UGT1A10: variants seen among roughly 807,000 people sequenced by gnomAD.
UGT1A10 encodes UDP-glucuronosyltransferase 1A10.
UGT1A10 carries 49 observed loss-of-function variants against 45.8 expected under a neutral mutation model. The observed-to-expected ratio is 1.07, with a 90% confidence interval of 0.85 to 1.36. The LOEUF is 1.36. Ranked by LOEUF, UGT1A10 falls within the 40% of genes most tolerant of loss-of-function variation. The pLI, the probability that UGT1A10 is intolerant of heterozygous loss-of-function variation, is 0.00. For missense variants in UGT1A10, 745 were observed against 668.6 expected (o/e 1.11, Z -1.26); for synonymous variants, 284 against 249.7 (o/e 1.14, Z -1.29).
Position 233,769,804 on chromosome 2 carries a change from G to A in UGT1A10, c.1295+1365G>A, listed in dbSNP as rs1028893693. On this transcript the variant is annotated intron_variant, in intron 4 of 4. Transcript: ENST00000344644. The surrounding 1 kb of genome is among the most constrained non-coding windows in gnomAD (Gnocchi z 4.4). ...CAGAAGTTGGAGGCTGCTATGAGCCGTGATCATGCCACTGCACTCCAGCAA... is the reference window on the plus strand; with the variant it reads ...CAGAAGTTGGAGGCTGCTATGAGCCATGATCATGCCACTGCACTCCAGCAA... 2.8e-5 allele frequency: 31 copies of A among 1,110,686 alleles called. No individual in the cohort carries two copies. The highest frequency in any genetic ancestry group is 1.3e-4 in the African/African-American group (8 of 62,658). The allele number at this position is 1,110,686 out of a possible 1,614,324, so 68.8% of individuals were successfully genotyped here.
intron 1 of UGT1A10, among the ~76,000 whole-genome samples, chr2:233,649,198 A>G (rs1025091689): frequency 6.6e-6 from 1 of 152,176 alleles, no homozygotes; most frequent in African/African-American, 2.4e-5. Flanking sequence ...CTTTTATATA[A>G]TGGCCTCGTT....
At chr2:233,738,846 A>G (rs1431495514) in intron 1 of UGT1A10, 1 of 152,252 alleles carries the variant, frequency 6.6e-6, no homozygotes, top group Admixed American at 6.5e-5. Context: ...AATGTTAATC[A>G]CCAAGACAAT....
At chr2:233,704,341 G>A (rs188654230) in intron 1 of UGT1A10, among the ~76,000 whole-genome samples, 1 of 137,544 alleles carries the variant, frequency 7.3e-6, no homozygotes, top group East Asian at 2.1e-4. Flanking sequence ...TATTTAAAAA[G>A]TTGTGTTCTG....
Position 233,772,251 on chromosome 2 carries a change from T to C in UGT1A10, c.1296-11T>C, listed in dbSNP as rs1700493926. On this transcript the variant is annotated splice_polypyrimidine_tract_variant and intron_variant, in intron 4 of 4. Coordinates refer to ENST00000344644, the MANE Select transcript of UGT1A10 (RefSeq NM_019075.4). ...GTGTTCCAGGCATAACGAAACTGTCTTTGTGTTTAGTTACAAGGAGAACAT... is the reference window on the plus strand; with the variant it reads ...GTGTTCCAGGCATAACGAAACTGTCCTTGTGTTTAGTTACAAGGAGAACAT... The C allele has an allele frequency of 2.5e-6, 4 of 1,614,250 alleles. No homozygotes were observed. The East Asian group carries it at 8.9e-5, about 36-fold the overall frequency.
chr2:233,699,298 T>C (rs2075497372), intron 1 of UGT1A10, among the ~76,000 whole-genome samples: 1 of 152,206 alleles, frequency 6.6e-6, no homozygotes, highest in Admixed American at 6.5e-5. Flanking sequence ...GGGACACTCT[T>C]ATGCTGTCCT....
At position 233,667,387 on chromosome 2, in the gene UGT1A10, TGGATTAA is replaced by T. The variant is rs2074100922; in HGVS notation, c.855+30011_855+30017del. 2.5e-4 allele frequency among the ~76,000 whole-genome samples: 38 copies of T among 152,306 alleles called. No individual in the cohort carries two copies. The South Asian group carries it at 7.7e-3, about 31-fold the overall frequency. On this transcript the variant is annotated intron_variant, in intron 1 of 4. Coordinates refer to ENST00000344644, the MANE Select transcript of UGT1A10 (RefSeq NM_019075.4). ...ACCTTATACAAAAATTAATTCAAGA[TGGATTAA>T]AGACTTAAATGTTAGACCTTAAACC... is the stretch of plus-strand genomic sequence containing the variant.
chr2:233,672,481 T>G (rs145038612), intron 1 of UGT1A10: 789 of 1,613,882 alleles, frequency 4.9e-4, no homozygotes, highest in Non-Finnish European at 6.3e-4. Flanking sequence ...AGGTGCACAG[T>G]GCCCTGCTCC....
At chr2:233,638,080 T>C (rs1426129022) in intron 1 of UGT1A10, among the ~76,000 whole-genome samples, 1 of 152,150 alleles carries the variant, frequency 6.6e-6, no homozygotes, top group African/African-American at 2.4e-5. Flanking sequence ...TTTATCTTAG[T>C]AGACTAGAGT....
chr2:233,658,741 C>T (rs1276881245), intron 1 of UGT1A10, among the ~76,000 whole-genome samples: 1 of 152,186 alleles, frequency 6.6e-6, no homozygotes, highest in Non-Finnish European at 1.5e-5. Context: ...GTCTTTTCTC[C>T]ACTGAATTGT....
At chr2:233,751,693 G>A (rs1694787580) in intron 1 of UGT1A10, among the ~76,000 whole-genome samples, 1 of 152,146 alleles carries the variant, frequency 6.6e-6, no homozygotes, top group Non-Finnish European at 1.5e-5. Flanking sequence ...GGTTTTATAA[G>A]GGGCTCTTCC....
chr2:233,713,717 G>A (rs1295748799), intron 1 of UGT1A10: 1 of 1,613,946 alleles, frequency 6.2e-7, no homozygotes, highest in East Asian at 2.2e-5. Flanking sequence ...TTCAGAGAGA[G>A]GTGTCAGTGG....
At chr2:233,744,831 G>GCTAGTCTAGCAGAGTAGT (rs1692937900) in intron 1 of UGT1A10, among the ~76,000 whole-genome samples, 2 of 151,816 alleles carry the variant, frequency 1.3e-5, no homozygotes. Context: ...TTTGAGAATC[G>GCTAGTCTAGCAGAGTAGT]CTAGTCTAGC....
At chr2:233,656,557 G>A (rs2073857950) in intron 1 of UGT1A10, among the ~76,000 whole-genome samples, 1 of 152,172 alleles carries the variant, frequency 6.6e-6, no homozygotes, top group African/African-American at 2.4e-5. Context: ...AAGTGTAGGC[G>A]CCCATGACTC....
chr2:233,745,596 G>T (rs1207233970), intron 1 of UGT1A10, among the ~76,000 whole-genome samples: 1 of 151,570 alleles, frequency 6.6e-6, no homozygotes, highest in Non-Finnish European at 1.5e-5. Context: ...ACCCGGACTT[G>T]GCACTTGGTA....
At chr2:233,697,557 G>T (rs1418823193) in intron 1 of UGT1A10, among the ~76,000 whole-genome samples, 2 of 146,376 alleles carry the variant, frequency 1.4e-5, no homozygotes, top group Admixed American at 6.8e-5. Flanking sequence ...TGTTTATTTA[G>T]CCTCAATTTA....
chr2:233,652,462 C>A (rs576042532), intron 1 of UGT1A10, among the ~76,000 whole-genome samples: 41 of 152,108 alleles, frequency 2.7e-4, no homozygotes, highest in African/African-American at 8.9e-4. Context: ...ATCATTCTAT[C>A]CCCAAATACT....
chr2:233,690,426 A>G, intron 1 of UGT1A10: 1 of 1,251,390 alleles, frequency 8.0e-7, no homozygotes, highest in South Asian at 1.3e-5. Context: ...CTTCATGCAC[A>G]TCTTTGGGTC....
chr2:233,694,260 G>A (rs7592624), intron 1 of UGT1A10, among the ~76,000 whole-genome samples: 87,410 of 151,760 alleles, frequency 0.58, 25,440 homozygotes, highest in South Asian at 0.64. Flanking sequence ...AGGGACCAGC[G>A]AACTACAGCC....
At chr2:233,649,210 A>G (rs971612317) in intron 1 of UGT1A10, among the ~76,000 whole-genome samples, 2 of 152,224 alleles carry the variant, frequency 1.3e-5, no homozygotes, top group Non-Finnish European at 2.9e-5. Flanking sequence ...GGCCTCGTTA[A>G]TATGTATGTG....
Sources: allele counts gnomAD v4.1 joint callset (sites outside exome capture counted in the v4.1 genomes callset), GRCh38; gene constraint gnomAD v4.1.1; non-coding constraint Gnocchi (gnomAD v3.1); transcripts MANE v1.5; gene names NCBI Gene and HGNC (gene_info 2026-07-23, HGNC 2026-07-21).